Variants in C20orf203 observed in about 807,000 individuals in gnomAD.
C20orf203 encodes the protein chromosome 20 open reading frame 203.
In C20orf203, 16 loss-of-function variants were observed where a neutral mutation model predicts 15.9. That is an observed-to-expected ratio of 1.01 (90% CI 0.68 to 1.53). The LOEUF (loss-of-function observed/expected upper bound fraction) is 1.53. Ranked by LOEUF, C20orf203 falls within the 40% of genes most tolerant of loss-of-function variation. C20orf203 has a pLI of 0.00. For synonymous variants in C20orf203, 98 were observed against 97.2 expected (o/e 1.01, Z -0.05); for missense variants, 263 against 247.5 (o/e 1.06, Z -0.42).
At chr20:32,639,714 GT>G (rs1982230598) in intron 5 of C20orf203, among the ~76,000 whole-genome samples, 1 of 151,690 alleles carries the variant, frequency 6.6e-6, no homozygotes. Flanking sequence ...CTCAGGGAGG[GT>G]GTATCTGTCC....
chr20:32,633,507 A>T lies in C20orf203; in HGVS notation c.*2063T>A, dbSNP rs2145657238. The T allele has an allele frequency of 6.6e-6, 1 of 152,390 alleles. No homozygotes were observed. The highest frequency in any genetic ancestry group is 6.5e-5 in the Admixed American group (1 of 15,300). The allele number at this position is 152,390 out of a possible 1,614,324, so 9.4% of individuals were successfully genotyped here. On this transcript the variant is annotated 3_prime_UTR_variant, in exon 6 of 6. Coordinates refer to ENST00000608990, the MANE Select transcript of C20orf203 (RefSeq NM_182584.4). ...AGCAGCAGGGCTTGGCTGTGTGACC[A>T]CTGTGGTCAGCTCCTTCTCAGCCTC...
intron 4 of C20orf203, among the ~76,000 whole-genome samples, chr20:32,648,182 G>A (rs1019487065): frequency 6.6e-6 from 1 of 152,094 alleles, no homozygotes; most frequent in Non-Finnish European, 1.5e-5. Context: ...CAGTGGCCAG[G>A]GGTGTGGGAT....
intron 5 of C20orf203, among the ~76,000 whole-genome samples, chr20:32,637,195 C>T (rs775253750): frequency 6.6e-6 from 1 of 152,188 alleles, no homozygotes; most frequent in Non-Finnish European, 1.5e-5. Context: ...AGTGGATCTC[C>T]TGAGGTCAGG....
chr20:32,653,125 T>C (rs143346545), intron 1 of C20orf203, among the ~76,000 whole-genome samples: 1 of 152,080 alleles, frequency 6.6e-6, no homozygotes, highest in Non-Finnish European at 1.5e-5. Flanking sequence ...TGGGCAGTGG[T>C]GGATGCTGAA....
intron 1 of C20orf203, among the ~76,000 whole-genome samples, chr20:32,655,859 T>C (rs1982741675): frequency 6.6e-6 from 1 of 152,188 alleles, no homozygotes; most frequent in Non-Finnish European, 1.5e-5. Flanking sequence ...CCAAATCTCA[T>C]GTTGAAATGT....
At chr20:32,667,960 C>T (rs1488118249) in intron 1 of C20orf203, among the ~76,000 whole-genome samples, 3 of 152,156 alleles carry the variant, frequency 2.0e-5, no homozygotes, top group African/African-American at 7.2e-5. Context: ...TGAGCCACGG[C>T]GCCAGGCCTA....
chr20:32,638,492 T>G lies in C20orf203; in HGVS notation c.*1299+2074A>C, dbSNP rs182126053. On this transcript the variant is annotated intron_variant, in intron 5 of 5. Coordinates refer to ENST00000608990, the MANE Select transcript of C20orf203 (RefSeq NM_182584.4). ...AGTCACTTGCCCAGGGTCACAGAGGTGGTCTGCTGAGATTTACAGCAGGTC... is the reference window on the plus strand; with the variant it reads ...AGTCACTTGCCCAGGGTCACAGAGGGGGTCTGCTGAGATTTACAGCAGGTC... Among the ~76,000 whole-genome samples, 13 of 152,152 alleles carry G rather than the reference T, an allele frequency of 8.5e-5. No individual in the cohort carries two copies. In the East Asian group the frequency reaches 2.5e-3, roughly 30 times the overall value.
At chr20:32,671,423 C>A (rs932406846) in intron 1 of C20orf203, among the ~76,000 whole-genome samples, 2 of 151,800 alleles carry the variant, frequency 1.3e-5, no homozygotes, top group Admixed American at 1.3e-4. Flanking sequence ...ATGAAACAAA[C>A]CAGTCACAGA....
At chr20:32,669,960 G>A (rs1412108069) in intron 1 of C20orf203, among the ~76,000 whole-genome samples, 1 of 152,206 alleles carries the variant, frequency 6.6e-6, no homozygotes, top group African/African-American at 2.4e-5. Context: ...CCAGCATTTT[G>A]GGAGGCTGAG....
chr20:32,645,485 C>A (rs1982399590), intron 4 of C20orf203, among the ~76,000 whole-genome samples: 3 of 152,240 alleles, frequency 2.0e-5, no homozygotes, highest in Admixed American at 2.0e-4. Flanking sequence ...TTCTCCCAAA[C>A]TGGGACTTCC....
At chr20:32,662,123 C>T (rs1296678105) in intron 1 of C20orf203, among the ~76,000 whole-genome samples, 3 of 152,222 alleles carry the variant, frequency 2.0e-5, no homozygotes, top group Non-Finnish European at 4.4e-5. Context: ...AGGATGATGG[C>T]ACCCAATCTT....
At chr20:32,651,494 T>C (rs1030173131) in intron 2 of C20orf203, among the ~76,000 whole-genome samples, 13 of 152,180 alleles carry the variant, frequency 8.5e-5, no homozygotes, top group African/African-American at 3.1e-4. Flanking sequence ...TCAGACACCT[T>C]TACCAACCAA....
chr20:32,664,931 G>A (rs1268761971), intron 1 of C20orf203, among the ~76,000 whole-genome samples: 1 of 152,236 alleles, frequency 6.6e-6, no homozygotes, highest in Non-Finnish European at 1.5e-5. Flanking sequence ...CAAGGTCACC[G>A]TGCTAGTGTG....
chr20:32,644,624 T>C (rs1031721151), intron 4 of C20orf203, among the ~76,000 whole-genome samples: 3 of 152,066 alleles, frequency 2.0e-5, no homozygotes, highest in African/African-American at 7.2e-5. Flanking sequence ...ATTGGGAAAG[T>C]GCCCCATTCA....
chr20:32,665,632 C>T (rs1472844960), intron 1 of C20orf203, among the ~76,000 whole-genome samples: 1 of 152,232 alleles, frequency 6.6e-6, no homozygotes, highest in East Asian at 1.9e-4. Flanking sequence ...CAAGTGTGAG[C>T]CACACAGGGA....
intron 5 of C20orf203, among the ~76,000 whole-genome samples, chr20:32,639,386 TCCAACCAGG>T: frequency 6.6e-6 from 1 of 152,276 alleles, no homozygotes; most frequent in South Asian, 2.1e-4. Flanking sequence ...AACATGGGCT[TCCAACCAGG>T]CCAACCTGGA....
At chr20:32,646,114 G>A (rs1157198390) in intron 4 of C20orf203, among the ~76,000 whole-genome samples, 1 of 151,794 alleles carries the variant, frequency 6.6e-6, no homozygotes, top group Non-Finnish European at 1.5e-5. Context: ...AACAGAGTGG[G>A]CCTTAAGGTA....
intron 4 of C20orf203, among the ~76,000 whole-genome samples, chr20:32,645,177 G>A (rs978418844): frequency 2.6e-5 from 4 of 152,116 alleles, no homozygotes; most frequent in Non-Finnish European, 4.4e-5. Context: ...TCGATGTCCT[G>A]GAGAATCGAG....
At chr20:32,669,400 G>C (rs1983110106) in intron 1 of C20orf203, among the ~76,000 whole-genome samples, 1 of 152,210 alleles carries the variant, frequency 6.6e-6, no homozygotes, top group Admixed American at 6.5e-5. Context: ...CTTCGTAAGA[G>C]CCATGTGTGT....
Sources: allele counts gnomAD v4.1 joint callset (sites outside exome capture counted in the v4.1 genomes callset), GRCh38; gene constraint gnomAD v4.1.1; transcripts MANE v1.5; gene names NCBI Gene and HGNC (gene_info 2026-07-23, HGNC 2026-07-21).